ZNF385D: variants seen among roughly 807,000 people sequenced by gnomAD.
The protein encoded by ZNF385D is zinc finger protein 659.
A neutral mutation model predicts 35.8 loss-of-function variants in ZNF385D; 15 were observed. The ratio of observed to expected loss-of-function variants is 0.42; its 90% CI spans 0.28 to 0.64. ZNF385D has a LOEUF of 0.64. ZNF385D is among the 30% of genes least tolerant of loss of function. The pLI, the probability that ZNF385D is intolerant of heterozygous loss-of-function variation, is 0.23. For synonymous variants in ZNF385D, 212 were observed against 186.8 expected (o/e 1.13, Z -1.10); for missense variants, 474 against 494.6 (o/e 0.96, Z 0.39).
chr3:22,113,487 T>C (rs1290217122), intron 3 of ZNF385D, among the ~76,000 whole-genome samples: 3 of 152,096 alleles, frequency 2.0e-5, no homozygotes, highest in Non-Finnish European at 2.9e-5. Context: ...CCTAAGATGA[T>C]AGAAGGCCTG....
chr3:21,659,844 C>T (rs559122037), intron 2 of ZNF385D, among the ~76,000 whole-genome samples: 81 of 152,126 alleles, frequency 5.3e-4, no homozygotes, highest in Non-Finnish European at 9.4e-4. Flanking sequence ...CTCCTGCCTT[C>T]CCCTCCCTCT....
intron 2 of ZNF385D, among the ~76,000 whole-genome samples, chr3:22,230,586 C>T (rs1460071507): frequency 6.6e-6 from 1 of 152,178 alleles, no homozygotes. Context: ...CAACCAGTTA[C>T]TACCACGAGT....
intron 3 of ZNF385D, among the ~76,000 whole-genome samples, chr3:21,832,607 T>C (rs1374334767): frequency 6.6e-6 from 1 of 152,122 alleles, no homozygotes; most frequent in African/African-American, 2.4e-5. Flanking sequence ...AACCGGTAAA[T>C]ACATTTGAAA....
intron 2 of ZNF385D, among the ~76,000 whole-genome samples, chr3:21,582,894 C>T (rs966721330): frequency 2.0e-5 from 3 of 152,100 alleles, no homozygotes; most frequent in Admixed American, 6.5e-5. Flanking sequence ...TCTCCTGCCT[C>T]AGTCTCCTGA....
intron 2 of ZNF385D, among the ~76,000 whole-genome samples, chr3:22,179,586 C>G (rs143965130): frequency 6.6e-6 from 1 of 152,080 alleles, no homozygotes; most frequent in Non-Finnish European, 1.5e-5. Context: ...ATTTCCTTCT[C>G]CTGCCTGATT....
chr3:21,428,257 G>C (rs1250089595), intron 5 of ZNF385D, among the ~76,000 whole-genome samples: 1 of 152,064 alleles, frequency 6.6e-6, no homozygotes, highest in Non-Finnish European at 1.5e-5. Context: ...ATATGTTTCA[G>C]ATACTGTGCT....
intron 2 of ZNF385D, among the ~76,000 whole-genome samples, chr3:21,594,627 G>A (rs1032980768): frequency 6.6e-6 from 1 of 152,146 alleles, no homozygotes; most frequent in African/African-American, 2.4e-5. Context: ...AAGCAGACAT[G>A]ACATAGCCAC....
intron 2 of ZNF385D, among the ~76,000 whole-genome samples, chr3:22,349,174 A>G (rs1434026485): frequency 6.6e-6 from 1 of 152,238 alleles, no homozygotes; most frequent in East Asian, 1.9e-4. Flanking sequence ...TGCCTGGAAC[A>G]GTACCTGGCA....
At chr3:22,130,898 C>A (rs551569349) in intron 3 of ZNF385D, among the ~76,000 whole-genome samples, 2 of 152,142 alleles carry the variant, frequency 1.3e-5, no homozygotes, top group South Asian at 2.1e-4. Flanking sequence ...TGCATCACCT[C>A]TATTTATTTA....
At chr3:21,914,834 G>C (rs901335556) in intron 3 of ZNF385D, among the ~76,000 whole-genome samples, 4 of 151,542 alleles carry the variant, frequency 2.6e-5, no homozygotes, top group African/African-American at 9.7e-5. Context: ...TTTACCAAGA[G>C]TTCATTTCAA....
At chr3:21,531,741 A>C (rs2061927410) in intron 3 of ZNF385D, among the ~76,000 whole-genome samples, 1 of 152,212 alleles carries the variant, frequency 6.6e-6, no homozygotes, top group South Asian at 2.1e-4. Flanking sequence ...CAAGGGTTAG[A>C]GTGGAAGAAA....
intron 3 of ZNF385D, among the ~76,000 whole-genome samples, chr3:21,832,815 T>A (rs1263371619): frequency 6.6e-6 from 1 of 152,168 alleles, no homozygotes; most frequent in East Asian, 1.9e-4. Flanking sequence ...CCTGATTCTA[T>A]GAGCTCTACT....
At chr3:22,121,205 ACT>A (rs1703072836) in intron 3 of ZNF385D, among the ~76,000 whole-genome samples, 2 of 152,130 alleles carry the variant, frequency 1.3e-5, no homozygotes, top group Admixed American at 1.3e-4. Flanking sequence ...CTAAACACTC[ACT>A]GTCTTAGCGA....
At chr3:22,349,665 T>C (rs1035494039) in intron 2 of ZNF385D, among the ~76,000 whole-genome samples, 1 of 152,198 alleles carries the variant, frequency 6.6e-6, no homozygotes, top group Non-Finnish European at 1.5e-5. Flanking sequence ...GCATATATGA[T>C]CAAGGATGTG....
chr3:21,657,886 C>T (rs1425510679), intron 2 of ZNF385D, among the ~76,000 whole-genome samples: 1 of 151,876 alleles, frequency 6.6e-6, no homozygotes, highest in East Asian at 1.9e-4. Flanking sequence ...ATTTCCGTAG[C>T]TGGAGCAGGT....
intron 3 of ZNF385D, among the ~76,000 whole-genome samples, chr3:21,828,488 G>T (rs779517209): frequency 3.1e-4 from 47 of 152,180 alleles, no homozygotes; most frequent in Non-Finnish European, 5.6e-4. Context: ...TATAATTGCA[G>T]TTTTACTCAC....
intron 3 of ZNF385D, among the ~76,000 whole-genome samples, chr3:21,894,565 C>G (rs1699036801): frequency 6.6e-6 from 1 of 152,104 alleles, no homozygotes; most frequent in African/African-American, 2.4e-5. Flanking sequence ...AACAGCAAAG[C>G]TCACCTTATT....
rs555068531 is a variant in ZNF385D at position 21,502,304 on chromosome 3, T to C, written c.439+8557A>G. On this transcript the variant is annotated intron_variant, in intron 4 of 7. Transcript: ENST00000281523. Reference sequence around the variant, plus strand: ...TATTCTTTCGAGGGTCCATTTATTTTCCCTCCAACATCATTTACTCTCTCC... The same window carrying C: ...TATTCTTTCGAGGGTCCATTTATTTCCCCTCCAACATCATTTACTCTCTCC... 3.3e-5 allele frequency among the ~76,000 whole-genome samples: 5 copies of C among 152,276 alleles called. No homozygotes were observed. The South Asian group carries it at 1.0e-3, about 32-fold the overall frequency.
intron 3 of ZNF385D, among the ~76,000 whole-genome samples, chr3:21,915,898 T>C (rs1559750549): frequency 6.6e-6 from 1 of 152,172 alleles, no homozygotes; most frequent in Non-Finnish European, 1.5e-5. Flanking sequence ...TGAGGTTTTC[T>C]AGCTGAGACT....
Sources: allele counts gnomAD v4.1 joint callset (sites outside exome capture counted in the v4.1 genomes callset), GRCh38; gene constraint gnomAD v4.1.1; transcripts MANE v1.5; gene names NCBI Gene and HGNC (gene_info 2026-07-23, HGNC 2026-07-21).